Variants in MAP7D2 observed in about 807,000 individuals in gnomAD.
MAP7D2 encodes MAP7 domain-containing protein 2.
Under a neutral mutation model 63.5 loss-of-function variants are expected in MAP7D2, and 33 were observed. The observed-to-expected ratio is 0.52, with a 90% CI of 0.39 to 0.70. The LOEUF is 0.70. Among genes scored for constraint, MAP7D2 ranks in the 30% least tolerant of loss-of-function variants. The pLI is 0.00. For synonymous variants in MAP7D2, 224 were observed against 223.7 expected (o/e 1.00, Z -0.01); for missense variants, 626 against 604.0 (o/e 1.04, Z -0.38).
chrX:20,085,096 C>T (rs1408607535), intron 1 of MAP7D2, among the ~76,000 whole-genome samples: 1 of 111,815 alleles, frequency 8.9e-6, no homozygotes, highest in African/African-American at 3.3e-5. Flanking sequence ...AAACACACGC[C>T]ATCTGCCTTC....
At chrX:20,044,997 C>T (rs1437219119) in intron 6 of MAP7D2, among the ~76,000 whole-genome samples, 4 of 111,479 alleles carry the variant, frequency 3.6e-5, no homozygotes, top group Non-Finnish European at 7.5e-5. Context: ...TAAGCATCTG[C>T]TTTTCTTGTG....
At chrX:20,114,134 A>G (rs1341891387) in intron 1 of MAP7D2, among the ~76,000 whole-genome samples, 1 of 112,157 alleles carries the variant, frequency 8.9e-6, no homozygotes, top group Non-Finnish European at 1.9e-5. Flanking sequence ...CCTGGGTTCA[A>G]GCGATCCTAT....
intron 11 of MAP7D2, 79 bp downstream of exon 11, chrX:20,016,015 C>A: frequency 4.9e-6 from 4 of 823,935 alleles, no homozygotes; most frequent in Non-Finnish European, 7.1e-6. Flanking sequence ...CATTATGAGT[C>A]ATTGAAATTT....
intron 1 of MAP7D2, among the ~76,000 whole-genome samples, chrX:20,107,173 G>A (rs1028209173): frequency 1.8e-5 from 2 of 110,989 alleles, no homozygotes; most frequent in Admixed American, 1.9e-4. Flanking sequence ...GATTGTGAGG[G>A]ACCTGGTTTC....
chrX:20,064,128 G>A (rs950539531), intron 2 of MAP7D2, among the ~76,000 whole-genome samples: 1 of 111,754 alleles, frequency 8.9e-6, no homozygotes, highest in Non-Finnish European at 1.9e-5. Context: ...GCAGGGAAGG[G>A]TTCCCTGGAG....
intron 8 of MAP7D2, 134 bp from the exon 9 acceptor site, chrX:20,026,086 C>T (rs992879348): frequency 1.4e-6 from 1 of 713,900 alleles, no homozygotes; most frequent in Non-Finnish European, 2.1e-6. Context: ...TTAGCACACA[C>T]TCAAAAGTCA....
chrX:20,087,197 T>C, intron 1 of MAP7D2, among the ~76,000 whole-genome samples: 1 of 112,294 alleles, frequency 8.9e-6, no homozygotes, highest in South Asian at 3.7e-4. Flanking sequence ...CTGTAACACA[T>C]ATGCTATAGT....
At chrX:20,054,999 T>C (rs2065037105) in intron 4 of MAP7D2, among the ~76,000 whole-genome samples, 2 of 112,294 alleles carry the variant, frequency 1.8e-5, no homozygotes, top group African/African-American at 3.2e-5. Context: ...CAAAGGAATG[T>C]CAGAAACCAA....
chrX:20,116,518 T>G, intron 1 of MAP7D2: 1 of 879,496 alleles, frequency 1.1e-6, no homozygotes, highest in Non-Finnish European at 1.4e-6. Flanking sequence ...ACCCCCCATG[T>G]GTACCCACTC....
chrX:20,082,635 T>C (rs1024662147), intron 1 of MAP7D2, among the ~76,000 whole-genome samples: 4 of 111,906 alleles, frequency 3.6e-5, no homozygotes, highest in Non-Finnish European at 5.6e-5. Context: ...TTATTATTTT[T>C]GTATTTTTTT....
At chrX:20,100,342 G>C (rs142418343) in intron 1 of MAP7D2, among the ~76,000 whole-genome samples, 103 of 112,118 alleles carry the variant, frequency 9.2e-4, no homozygotes, top group African/African-American at 3.1e-3. Flanking sequence ...TACTGACAAA[G>C]ATGGAGAGGA....
At chrX:20,055,658 C>T (rs2065052328) in intron 4 of MAP7D2, 2 of 597,618 alleles carry the variant, frequency 3.3e-6, no homozygotes, top group Admixed American at 4.0e-5. Flanking sequence ...AAGTGCTTGA[C>T]GCAGACATGG....
At chrX:20,059,589 T>TGGAAGGAAGGAA (rs778547441) in intron 3 of MAP7D2, among the ~76,000 whole-genome samples, 8,284 of 73,995 alleles carry the variant, frequency 0.11, 638 homozygotes, top group African/African-American at 0.21. Context: ...AGTGGAAGGG[T>TGGAAGGAAGGAA]GGAAGGAAGG....
At chrX:20,043,083 G>C (rs1461559659) in intron 7 of MAP7D2, among the ~76,000 whole-genome samples, 2 of 111,013 alleles carry the variant, frequency 1.8e-5, no homozygotes, top group African/African-American at 6.6e-5. Context: ...TTTGGCAGAA[G>C]GGAACAGACA....
At chrX:20,072,489 A>G (rs757349276) in intron 1 of MAP7D2, among the ~76,000 whole-genome samples, 131 of 111,740 alleles carry the variant, frequency 1.2e-3, no homozygotes, top group Admixed American at 1.1e-3. Context: ...TAGCCCCCAA[A>G]GGGCCTAGCA....
chrX:20,053,414 G>A (rs1158190162), intron 4 of MAP7D2, among the ~76,000 whole-genome samples: 1 of 111,919 alleles, frequency 8.9e-6, no homozygotes, highest in African/African-American at 3.2e-5. Context: ...TGCTGAAACC[G>A]ACTCTTTTAT....
At chrX:20,067,419 TTTA>T (rs1291501566) in intron 1 of MAP7D2, among the ~76,000 whole-genome samples, 2 of 111,264 alleles carry the variant, frequency 1.8e-5, no homozygotes, top group Non-Finnish European at 3.8e-5. Flanking sequence ...CCAGAAAATC[TTTA>T]TTATCATGCT....
chrX:20,032,972 T>G (rs1434947819), intron 8 of MAP7D2, among the ~76,000 whole-genome samples: 1 of 112,083 alleles, frequency 8.9e-6, no homozygotes. Flanking sequence ...GCACTCTGGT[T>G]TGACAGACTC....
In MAP7D2 at chrX:20,116,825, G is replaced by A. The variant is rs1223877351; in HGVS notation, c.55C>T (p.Arg19Trp). 5 of 1,182,567 alleles carry A rather than the reference G, an allele frequency of 4.2e-6. 1 individual carries two copies. In the Admixed American group the frequency reaches 1.2e-4, roughly 27 times the overall value. Residue 19 changes from arginine to tryptophan, a missense_variant, in exon 1 of 17, where the codon CGG (arginine) becomes TGG (tryptophan). Arg to Trp is a moderately radical substitution (Grantham distance 101). Transcript: ENST00000379643. ...ATCTTCCCTGGGAGAGAGGTTCCCCGCGCAGTCCCCTCAGGCCGGGATCCC... is the reference window on the plus strand; with the variant it reads ...ATCTTCCCTGGGAGAGAGGTTCCCCACGCAGTCCCCTCAGGCCGGGATCCC... ...GTGSRPEGTA[R>W]GTSLPGKIAE...
Sources: gnomAD v4.1 joint callset for allele counts (sites outside exome capture counted in the v4.1 genomes callset) on GRCh38, gnomAD v4.1.1 for gene constraint, MANE v1.5 for transcripts, NCBI Gene and HGNC (gene_info 2026-07-23, HGNC 2026-07-21) for gene names.